Variants in PPME1 observed in about 807,000 individuals in gnomAD.
The protein encoded by PPME1 is testicular secretory protein Li 39.
In PPME1, 17 loss-of-function variants were observed where a neutral mutation model predicts 56.9. The ratio of observed to expected loss-of-function variants is 0.30; its 90% confidence interval spans 0.20 to 0.45. The LOEUF (loss-of-function observed/expected upper bound fraction) is 0.45, where lower values mean the gene tolerates loss of function less well. Among genes scored for constraint, PPME1 ranks in the 20% least tolerant of loss-of-function variants. The pLI, the probability that PPME1 is intolerant of heterozygous loss-of-function variation, is 1.00. For synonymous variants in PPME1, 122 were observed against 156.2 expected (o/e 0.78, Z 1.63); for missense variants, 357 against 483.2 (o/e 0.74, Z 2.45).
intron 3 of PPME1, 59 bp downstream of exon 3, chr11:74,204,504 A>C (rs2135624840): frequency 2.1e-6 from 3 of 1,412,400 alleles, no homozygotes; most frequent in South Asian, 2.4e-5. Flanking sequence ...ATGAAAGTAT[A>C]GGGACAAATC....
chr11:74,215,766 C>G (rs1053606975), intron 3 of PPME1, among the ~76,000 whole-genome samples: 2 of 152,144 alleles, frequency 1.3e-5, no homozygotes, highest in Admixed American at 1.3e-4. Context: ...TAGAAACACT[C>G]TTTATCTGTA....
chr11:74,184,533 T>C (rs1857621143), intron 1 of PPME1, among the ~76,000 whole-genome samples: 1 of 152,242 alleles, frequency 6.6e-6, no homozygotes, highest in Non-Finnish European at 1.5e-5. Flanking sequence ...ATTTGTACTT[T>C]TGCCTCTTCC....
chr11:74,252,123 T>TTC (rs1379947948), intron 13 of PPME1, among the ~76,000 whole-genome samples: 18 of 144,384 alleles, frequency 1.2e-4, no homozygotes, highest in African/African-American at 4.8e-4. Flanking sequence ...TTTTTTTTTT[T>TTC]CTTGGCACAG....
intron 1 of PPME1, among the ~76,000 whole-genome samples, chr11:74,186,812 A>G (rs1376242267): frequency 1.3e-5 from 2 of 152,226 alleles, no homozygotes; most frequent in East Asian, 1.9e-4. Flanking sequence ...TAAAGGCTCA[A>G]GAATTCCAGG....
chr11:74,233,929 G>T (rs1026462218), intron 7 of PPME1, among the ~76,000 whole-genome samples: 1 of 152,220 alleles, frequency 6.6e-6, no homozygotes, highest in Admixed American at 6.5e-5. Context: ...TCAAATAGAA[G>T]AAGTGGGGAA....
chr11:74,204,212 G>T, intron 2 of PPME1, 141 bp from the exon 3 acceptor site: 2 of 584,238 alleles, frequency 3.4e-6, no homozygotes, highest in Non-Finnish European at 5.9e-6. Flanking sequence ...GAGGGTTAGT[G>T]TCTCAGAAAA....
In PPME1 at chr11:74,230,413, G is replaced by C; in HGVS notation, c.553+14G>C. On this transcript the variant is annotated intron_variant, in intron 6 of 13. Coordinates refer to ENST00000328257, the MANE Select transcript of PPME1 (RefSeq NM_016147.3). The surrounding 1 kb of genome is among the most constrained non-coding windows in gnomAD (Gnocchi z 4.9). ...ATGTTGTAGAAGGTGAGTTTTCTTA[G>C]CACTGACCAAATCAGGATTTCACTT... 2 of 1,612,642 alleles carry C rather than the reference G, an allele frequency of 1.2e-6. No homozygotes were observed. Among genetic ancestry groups the C allele is most frequent in the South Asian group, 1.1e-5 (1 of 90,784 alleles).
chr11:74,188,192 T>C lies in PPME1; in HGVS notation c.102-15536T>C, dbSNP rs569604185. Among the ~76,000 whole-genome samples, 4 of 146,714 alleles carry C rather than the reference T, an allele frequency of 2.7e-5. No homozygotes were observed. The South Asian group carries it at 6.5e-4, about 24-fold the overall frequency. ...TATTGATATTTCTTCCTTTTTCTCT[T>C]TTTTTTTTTTTTTTGAGATGGAGTC... On this transcript the variant is annotated intron_variant, in intron 1 of 13. Transcript: ENST00000328257.
At chr11:74,190,236 A>G (rs182065495) in intron 1 of PPME1, among the ~76,000 whole-genome samples, 21 of 152,324 alleles carry the variant, frequency 1.4e-4, no homozygotes, top group Non-Finnish European at 2.6e-4. Context: ...CAAATCTTAC[A>G]TTGAAATGTA....
chr11:74,214,060 T>C (rs1858553154), intron 3 of PPME1, among the ~76,000 whole-genome samples: 1 of 152,146 alleles, frequency 6.6e-6, no homozygotes, highest in Admixed American at 6.5e-5. Flanking sequence ...TCAAAATAGC[T>C]GTTTTGAGGA....
intron 5 of PPME1, among the ~76,000 whole-genome samples, chr11:74,229,012 A>G (rs1448555782): frequency 6.6e-6 from 1 of 152,162 alleles, no homozygotes; most frequent in East Asian, 1.9e-4. Context: ...ATATTAAACT[A>G]TTTGTTTTCA....
chr11:74,216,346 G>A (rs1055925511), intron 3 of PPME1, among the ~76,000 whole-genome samples: 4 of 151,978 alleles, frequency 2.6e-5, no homozygotes, highest in Admixed American at 1.3e-4. Flanking sequence ...GAGGAATTTT[G>A]GATACTATAC....
intron 1 of PPME1, among the ~76,000 whole-genome samples, chr11:74,173,220 A>G (rs1857327203): frequency 6.6e-6 from 1 of 152,246 alleles, no homozygotes; most frequent in Non-Finnish European, 1.5e-5. Flanking sequence ...CCATAACATT[A>G]TTTGGGAAAA....
chr11:74,223,972 CT>C (rs1199223894), intron 4 of PPME1, among the ~76,000 whole-genome samples: 1 of 151,936 alleles, frequency 6.6e-6, no homozygotes, highest in Non-Finnish European at 1.5e-5. Context: ...TCAATTTTGT[CT>C]TTTGTTGCCA....
intron 1 of PPME1, among the ~76,000 whole-genome samples, chr11:74,200,366 TGTG>T (rs1858124268): frequency 7.1e-6 from 1 of 140,544 alleles, no homozygotes; most frequent in Admixed American, 7.1e-5. Flanking sequence ...TTTGTGTGTG[TGTG>T]TGTGTGTGTG....
rs1859036850 is a variant in PPME1 at position 74,230,426 on chromosome 11, C to G, written c.553+27C>G. 6.2e-7 allele frequency: 1 copy of G among 1,608,630 alleles called. No individual in the cohort carries two copies. The highest frequency in any genetic ancestry group is 1.3e-5 in the African/African-American group (1 of 74,786). ...TGAGTTTTCTTAGCACTGACCAAAT[C>G]AGGATTTCACTTATAAGAGACATCC... On this transcript the variant is annotated intron_variant, in intron 6 of 13. Coordinates refer to ENST00000328257, the MANE Select transcript of PPME1 (RefSeq NM_016147.3). This position sits in a 1 kb window ranked among gnomAD's most constrained non-coding sequence, Gnocchi z 4.9.
intron 1 of PPME1, among the ~76,000 whole-genome samples, chr11:74,197,518 T>C (rs1331018893): frequency 6.6e-6 from 1 of 152,216 alleles, no homozygotes; most frequent in African/African-American, 2.4e-5. Flanking sequence ...GCATCTTTGA[T>C]CCTCATAATA....
At chr11:74,189,986 T>C (rs1402697248) in intron 1 of PPME1, among the ~76,000 whole-genome samples, 1 of 152,254 alleles carries the variant, frequency 6.6e-6, no homozygotes, top group African/African-American at 2.4e-5. Context: ...ATTCCTAATC[T>C]GAAAATCTGC....
At chr11:74,247,483 GTTTTTTTT>G (rs761820906) in intron 11 of PPME1, 13,665 of 119,068 alleles carry the variant, frequency 0.11, 1,712 homozygotes, top group African/African-American at 0.33. Context: ...TTGTTTGTGG[GTTTTTTTT>G]TTTTTTTTTT....
Sources: gnomAD v4.1 joint callset for allele counts (sites outside exome capture counted in the v4.1 genomes callset) on GRCh38, gnomAD v4.1.1 for gene constraint, Gnocchi (gnomAD v3.1) non-coding constraint, MANE v1.5 for transcripts, NCBI Gene and HGNC (gene_info 2026-07-23, HGNC 2026-07-21) for gene names.